PRKDC: variants seen among roughly 807,000 people sequenced by gnomAD.
The protein encoded by PRKDC is protein kinase, DNA-activated, catalytic subunit, also known as DNA-dependent protein kinase catalytic subunit.
PRKDC carries 82 observed loss-of-function variants against 486.9 expected under a neutral mutation model. The observed-to-expected ratio is 0.17, with a 90% confidence interval of 0.14 to 0.20. PRKDC has a LOEUF of 0.20. Among genes scored for constraint, PRKDC ranks in the 10% least tolerant of loss-of-function variants. The probability of loss-of-function intolerance (pLI) is 1.00; values close to 1 mark genes in which losing one functional copy is unlikely to be tolerated. For missense variants in PRKDC, 4,504 were observed against 5,038.2 expected, an observed-to-expected ratio of 0.89 and a Z score of 3.21; for synonymous variants, 1,895 against 1,837.0, an observed-to-expected ratio of 1.03 and a Z score of -0.81.
intron 70 of PRKDC, among the ~76,000 whole-genome samples, chr8:47,802,188 C>T (rs1257517939): frequency 6.6e-6 from 1 of 152,144 alleles, no homozygotes; most frequent in Admixed American, 6.6e-5. Flanking sequence ...GCCATCCTCC[C>T]GCCTCAGACT....
Position 47,836,456 on chromosome 8 carries a change from G to A in PRKDC, c.7833C>T (p.Ala2611=), listed in dbSNP as rs375277772. ...VLTPMFVETQ[A]SQGTLQTRTQ... ...TACGGGTCTGGAGAGTGCCCTGGGA[G>A]GCCTGGGTCTCCACAAACATCGGAG... The change falls in exon 58 of 86, where the codon GCC becomes GCT. Residue 2611 remains alanine, a synonymous_variant. Coordinates refer to ENST00000314191, the MANE Select transcript of PRKDC (RefSeq NM_006904.7). 6.8e-5 allele frequency: 109 copies of A among 1,612,212 alleles called. No homozygotes were observed. Among genetic ancestry groups the A allele is most frequent in the Non-Finnish European group, 8.8e-5 (104 of 1,179,226 alleles).
At chr8:47,885,630 C>T (rs977050056) in intron 36 of PRKDC, among the ~76,000 whole-genome samples, 4 of 152,196 alleles carry the variant, frequency 2.6e-5, no homozygotes, top group Middle Eastern at 3.4e-3. Flanking sequence ...CAGTGGCTCA[C>T]GCCTGTAATC....
At chr8:47,858,392 A>C (rs1473556942) in intron 48 of PRKDC, 124 bp downstream of exon 48, 21 of 941,406 alleles carry the variant, frequency 2.2e-5, no homozygotes, top group Non-Finnish European at 3.0e-5. Context: ...CTGCCCCTTT[A>C]TATTTTCCTT....
At chr8:47,774,400 A>C (rs1393131199) in intron 85 of PRKDC, 23 bp from the exon 86 acceptor site, 44 of 1,604,780 alleles carry the variant, frequency 2.7e-5, no homozygotes, top group Non-Finnish European at 3.7e-5. Context: ...CAAACACAGA[A>C]AACACAAAGC....
At chr8:47,870,716 T>C (rs1250622908) in intron 40 of PRKDC, among the ~76,000 whole-genome samples, 1 of 152,122 alleles carries the variant, frequency 6.6e-6, no homozygotes, top group East Asian at 1.9e-4. Flanking sequence ...AAAACATGAC[T>C]TCACCAAATC....
At chr8:47,955,683 G>A (rs2090689623) in intron 4 of PRKDC, among the ~76,000 whole-genome samples, 191 bp downstream of exon 4, 1 of 151,948 alleles carries the variant, frequency 6.6e-6, no homozygotes, top group Non-Finnish European at 1.5e-5. Context: ...TTACTACCCA[G>A]AAGAGTCTGA....
At chr8:47,913,366 T>C (rs1386718792) in intron 24 of PRKDC, among the ~76,000 whole-genome samples, 7 of 152,188 alleles carry the variant, frequency 4.6e-5, no homozygotes, top group African/African-American at 9.7e-5. Flanking sequence ...TTTTATATAA[T>C]GAAGAGCTTT....
chr8:47,786,917 A>T (rs1001549972), intron 76 of PRKDC, among the ~76,000 whole-genome samples: 1 of 151,608 alleles, frequency 6.6e-6, no homozygotes, highest in African/African-American at 2.4e-5. Context: ...TTTAGTAAAG[A>T]TGGGTTTCAC....
At position 47,886,759 on chromosome 8, in the gene PRKDC, C is replaced by G. The variant is rs551007963; in HGVS notation, c.4573-612G>C. On this transcript the variant is annotated intron_variant, in intron 35 of 85. Coordinates refer to ENST00000314191, the MANE Select transcript of PRKDC (RefSeq NM_006904.7). ...CTGGAGTGCAGTGGCATGATCATGA[C>G]TCACTACAGCCTTGACTTCCTGGGC... 3.9e-4 allele frequency among the ~76,000 whole-genome samples: 60 copies of G among 152,292 alleles called. 1 individual carries two copies. Among genetic ancestry groups the G allele is most frequent in the Non-Finnish European group, 7.2e-4 (49 of 68,032 alleles).
At chr8:47,791,746 A>G (rs1242116321) in intron 74 of PRKDC, among the ~76,000 whole-genome samples, 1 of 152,152 alleles carries the variant, frequency 6.6e-6, no homozygotes, top group Non-Finnish European at 1.5e-5. Flanking sequence ...CTTGTATACT[A>G]TTGGTGGGAA....
chr8:47,823,829 T>C, intron 64 of PRKDC, 29 bp downstream of exon 64: 1 of 1,610,366 alleles, frequency 6.2e-7, no homozygotes, highest in South Asian at 1.1e-5. Flanking sequence ...TTGAAGTAAA[T>C]GTCATATTTT....
At chr8:47,912,285 G>A in intron 25 of PRKDC, 125 bp downstream of exon 25, 1 of 1,095,392 alleles carries the variant, frequency 9.1e-7, no homozygotes, top group Non-Finnish European at 1.2e-6. Flanking sequence ...AGCACCTGGG[G>A]TAGCAGTCAG....
At chr8:47,929,238 C>T (rs2090209416) in intron 18 of PRKDC, 60 bp from the exon 19 acceptor site, 1 of 1,157,106 alleles carries the variant, frequency 8.6e-7, no homozygotes, top group African/African-American at 1.5e-5. Flanking sequence ...GTATCCCAAT[C>T]CAGTAGTTCC....
chr8:47,781,664 A>C (rs2086702408), intron 80 of PRKDC, among the ~76,000 whole-genome samples: 1 of 152,250 alleles, frequency 6.6e-6, no homozygotes, highest in Admixed American at 6.5e-5. Context: ...AAAAGGATAC[A>C]GAAAAATAAA....
intron 12 of PRKDC, 93 bp from the exon 13 acceptor site, chr8:47,935,993 G>T: frequency 8.2e-7 from 1 of 1,218,612 alleles, no homozygotes; most frequent in Non-Finnish European, 1.1e-6. Context: ...AACTGAATTA[G>T]ATACTTATTA....
chr8:47,909,328 A>G (rs909113268), intron 25 of PRKDC, among the ~76,000 whole-genome samples: 2 of 152,226 alleles, frequency 1.3e-5, no homozygotes, highest in African/African-American at 4.8e-5. Context: ...GTCTCTGAAC[A>G]TAAATTGTGA....
chr8:47,864,894 A>G, intron 40 of PRKDC, 131 bp from the exon 41 acceptor site: 1 of 762,158 alleles, frequency 1.3e-6, no homozygotes, highest in Non-Finnish European at 1.9e-6. Context: ...GACTATATAT[A>G]TGCAAAATCC....
chr8:47,873,833 AG>A (rs2089020322), intron 40 of PRKDC, among the ~76,000 whole-genome samples: 1 of 152,128 alleles, frequency 6.6e-6, no homozygotes, highest in Admixed American at 6.5e-5. Flanking sequence ...ATGGAGATAG[AG>A]AATAGAAAGA....
At chr8:47,957,063 G>T in intron 3 of PRKDC, 108 bp downstream of exon 3, 5 of 655,498 alleles carry the variant, frequency 7.6e-6, no homozygotes, top group East Asian at 3.3e-5. Context: ...ATTCCCCAAT[G>T]AGAAAGGAAA....
Sources: gnomAD v4.1 joint callset for allele counts (sites outside exome capture counted in the v4.1 genomes callset) on GRCh38, gnomAD v4.1.1 for gene constraint, MANE v1.5 for transcripts, NCBI Gene and HGNC (gene_info 2026-07-23, HGNC 2026-07-21) for gene names.